The following OPCML variants were observed in gnomAD, a reference collection of about 807,000 sequenced individuals.
OPCML encodes the protein opioid binding protein/cell adhesion molecule like, also known as opioid-binding protein/cell adhesion molecule.
Under a neutral mutation model 37.8 loss-of-function variants are expected in OPCML, and 13 were observed. That is an observed-to-expected ratio of 0.34 (90% CI 0.22 to 0.55). The LOEUF (loss-of-function observed/expected upper bound fraction) is 0.55. Ranked by LOEUF, OPCML falls within the 20% of genes least tolerant of loss-of-function variation. OPCML has a pLI of 0.91. For synonymous variants in OPCML, 176 were observed against 168.8 expected (o/e 1.04, Z -0.33); for missense variants, 341 against 435.6 (o/e 0.78, Z 1.93).
chr11:133,341,940 A>G (rs1943879479), intron 1 of OPCML, among the ~76,000 whole-genome samples: 1 of 152,052 alleles, frequency 6.6e-6, no homozygotes, highest in African/African-American at 2.4e-5. Flanking sequence ...AAGCCTTTGC[A>G]GCATTACTCC....
intron 1 of OPCML, among the ~76,000 whole-genome samples, chr11:133,106,288 C>T (rs766263435): frequency 1.3e-5 from 2 of 152,210 alleles, no homozygotes; most frequent in African/African-American, 2.4e-5. Flanking sequence ...TATGCTCACG[C>T]TGTCCATTTG....
intron 1 of OPCML, among the ~76,000 whole-genome samples, chr11:133,252,442 G>A (rs947649880): frequency 3.9e-5 from 6 of 152,114 alleles, no homozygotes; most frequent in African/African-American, 7.2e-5. Context: ...GTTGCTTGGC[G>A]TTCTTGTAAA....
At chr11:132,449,283 A>G (rs1389395098) in intron 4 of OPCML, among the ~76,000 whole-genome samples, 1 of 152,184 alleles carries the variant, frequency 6.6e-6, no homozygotes, top group Non-Finnish European at 1.5e-5. Flanking sequence ...AATGGGGGAA[A>G]TTAATTCTTT....
intron 1 of OPCML, among the ~76,000 whole-genome samples, chr11:132,950,611 T>C (rs529713477): frequency 6.6e-6 from 1 of 152,324 alleles, no homozygotes; most frequent in East Asian, 1.9e-4. Context: ...TACTGTCTCA[T>C]TGAAAGCTTG....
At chr11:132,697,077 A>C (rs1940150) in intron 2 of OPCML, among the ~76,000 whole-genome samples, 75,892 of 151,934 alleles carry the variant, frequency 0.5, 19,070 homozygotes, top group Admixed American at 0.57. Flanking sequence ...TTTTTGAATC[A>C]TGGATGAAAA....
chr11:132,793,208 C>T (rs1450061100), intron 2 of OPCML, among the ~76,000 whole-genome samples: 1 of 152,144 alleles, frequency 6.6e-6, no homozygotes, highest in Non-Finnish European at 1.5e-5. Context: ...GCTGCCCTTC[C>T]CGGGACCCCC....
At chr11:132,536,418 C>A (rs12785798) in intron 3 of OPCML, among the ~76,000 whole-genome samples, 1 of 152,162 alleles carries the variant, frequency 6.6e-6, no homozygotes, top group Non-Finnish European at 1.5e-5. Flanking sequence ...TCAGCTTCCT[C>A]TACTGTGAAA....
chr11:132,464,406 A>G (rs535334474), intron 4 of OPCML, among the ~76,000 whole-genome samples: 131 of 152,052 alleles, frequency 8.6e-4, no homozygotes, highest in African/African-American at 2.3e-3. Flanking sequence ...ACCCCATCCT[A>G]CCCACCGCCT....
intron 2 of OPCML, among the ~76,000 whole-genome samples, chr11:132,907,726 T>C (rs76223340): frequency 0.11 from 16,443 of 152,162 alleles, 1,221 homozygotes; most frequent in African/African-American, 0.19. Context: ...TTACCCTGAC[T>C]GCTCTCTAAG....
At chr11:133,241,568 C>A (rs1363594928) in intron 1 of OPCML, among the ~76,000 whole-genome samples, 1 of 152,204 alleles carries the variant, frequency 6.6e-6, no homozygotes, top group African/African-American at 2.4e-5. Context: ...ATGTAACTGA[C>A]AAAATCTAAA....
intron 1 of OPCML, among the ~76,000 whole-genome samples, chr11:133,339,110 C>T (rs962079398): frequency 1.3e-5 from 2 of 152,188 alleles, no homozygotes; most frequent in African/African-American, 4.8e-5. Flanking sequence ...GCTATTAATA[C>T]AACTCTACTC....
At chr11:133,418,249 G>A (rs1373754542) in intron 1 of OPCML, 1 of 985,252 alleles carries the variant, frequency 1.0e-6, no homozygotes, top group Non-Finnish European at 1.2e-6. Context: ...AGAAGGCCAA[G>A]TACAAGGTCA....
intron 2 of OPCML, among the ~76,000 whole-genome samples, chr11:132,928,288 T>C (rs149388035): frequency 1.7e-3 from 255 of 152,148 alleles, no homozygotes; most frequent in Non-Finnish European, 2.5e-3. Flanking sequence ...GTTGAAAAAG[T>C]ATTTGCTATA....
chr11:133,462,849 T>C (rs1336393434), intron 1 of OPCML, among the ~76,000 whole-genome samples: 2 of 152,212 alleles, frequency 1.3e-5, no homozygotes, highest in African/African-American at 2.4e-5. Flanking sequence ...CTGAAAGAAC[T>C]AAGAGCAAGA....
chr11:132,743,675 A>C (rs1481433751), intron 2 of OPCML, among the ~76,000 whole-genome samples: 1 of 152,236 alleles, frequency 6.6e-6, no homozygotes, highest in Non-Finnish European at 1.5e-5. Flanking sequence ...TAAAACATGG[A>C]TTAATCAAGC....
At chr11:132,963,788 CT>C (rs956721961) in intron 1 of OPCML, among the ~76,000 whole-genome samples, 4 of 151,980 alleles carry the variant, frequency 2.6e-5, no homozygotes, top group South Asian at 2.1e-4. Flanking sequence ...GCTGGTCTTA[CT>C]TTTTTTTATT....
intron 1 of OPCML, among the ~76,000 whole-genome samples, chr11:133,312,715 C>A (rs1410115653): frequency 6.6e-6 from 1 of 152,174 alleles, no homozygotes; most frequent in Admixed American, 6.5e-5. Flanking sequence ...GGGTTCACCA[C>A]CTGCTTAGCT....
In OPCML at chr11:133,160,564, C is replaced by T. The variant is rs116445798; in HGVS notation, c.62-217554G>A. On this transcript the variant is annotated intron_variant, in intron 1 of 7. Transcript: ENST00000524381. ...TCCTAATTCTGGTTTTGAGCCTAGG[C>T]TTCCTGCTACATTGGCCTACCAACT... Among the ~76,000 whole-genome samples the T allele has an allele frequency of 7.9e-3, 1,205 of 152,368 alleles. 14 individuals are homozygous for T. The highest frequency in any genetic ancestry group is 0.025 in the African/African-American group (1,056 of 41,588).
At chr11:133,418,028 G>A (rs1011225733) in intron 1 of OPCML, 1 of 975,926 alleles carries the variant, frequency 1.0e-6, no homozygotes, top group Non-Finnish European at 1.2e-6. Flanking sequence ...GAGAAGAATG[G>A]GGAGAAGATA....
Sources: allele counts gnomAD v4.1 joint callset (sites outside exome capture counted in the v4.1 genomes callset), GRCh38; gene constraint gnomAD v4.1.1; transcripts MANE v1.5; gene names NCBI Gene and HGNC (gene_info 2026-07-23, HGNC 2026-07-21).